Variants in TBC1D5 observed in about 807,000 individuals in gnomAD.
TBC1D5 encodes the protein TBC1 domain family member 5.
In TBC1D5, 75 loss-of-function variants were observed where a neutral mutation model predicts 100.3. That is an observed-to-expected ratio of 0.75 (90% CI 0.62 to 0.91). The LOEUF is 0.91. TBC1D5 is among the 40% of genes least tolerant of loss of function. The probability of loss-of-function intolerance (pLI) is 0.00; values close to 1 mark genes in which losing one functional copy is unlikely to be tolerated. For missense variants in TBC1D5, 910 were observed against 942.4 expected (o/e 0.97, Z 0.45); for synonymous variants, 323 against 325.6 (o/e 0.99, Z 0.09).
intron 1 of TBC1D5, among the ~76,000 whole-genome samples, chr3:17,677,344 G>A (rs2068776170): frequency 6.6e-6 from 1 of 152,190 alleles, no homozygotes; most frequent in Admixed American, 6.5e-5. Context: ...TGAAGGATGT[G>A]AAAAGACATT....
rs572475909 is a variant in TBC1D5 at position 17,461,936 on chromosome 3, T to A, written c.98-33417A>T. 3.1e-4 allele frequency among the ~76,000 whole-genome samples: 47 copies of A among 152,328 alleles called. 1 individual carries two copies. The South Asian group carries it at 9.3e-3, about 30-fold the overall frequency. ...TTTCATTTCTGCTATCACATTTTAA[T>A]GTCTTATCATTTTCTCTCTCCAATT... On this transcript the variant is annotated intron_variant, in intron 3 of 21. Transcript: ENST00000253692.
chr3:17,533,639 T>C (rs191133195), intron 2 of TBC1D5, among the ~76,000 whole-genome samples: 20 of 152,312 alleles, frequency 1.3e-4, no homozygotes, highest in Admixed American at 1.0e-3. Flanking sequence ...CAGTATATAA[T>C]AGATTTTGTG....
chr3:17,673,311 C>CT (rs374496313), intron 1 of TBC1D5, among the ~76,000 whole-genome samples: 10,503 of 125,926 alleles, frequency 0.083, 830 homozygotes, highest in East Asian at 0.31. Flanking sequence ...CTTTTCTTTT[C>CT]TTTTTTTTTT....
intron 2 of TBC1D5, among the ~76,000 whole-genome samples, chr3:17,561,796 C>T (rs1026061678): frequency 2.6e-5 from 4 of 151,966 alleles, no homozygotes; most frequent in African/African-American, 9.7e-5. Flanking sequence ...TGATCCTAAC[C>T]CCAAAACATG....
chr3:17,223,968 A>C (rs2074570503), intron 17 of TBC1D5, among the ~76,000 whole-genome samples: 1 of 152,138 alleles, frequency 6.6e-6, no homozygotes, highest in Non-Finnish European at 1.5e-5. Context: ...CAATATATAT[A>C]ATTAAATTTA....
intron 3 of TBC1D5, among the ~76,000 whole-genome samples, chr3:17,456,735 T>C (rs555743423): frequency 3.0e-4 from 45 of 152,064 alleles, no homozygotes; most frequent in African/African-American, 1.1e-3. Flanking sequence ...AGTTTGGAGG[T>C]TCCTCAAAAA....
chr3:17,177,355 C>T (rs1317164175), intron 19 of TBC1D5, among the ~76,000 whole-genome samples: 1 of 152,108 alleles, frequency 6.6e-6, no homozygotes, highest in Non-Finnish European at 1.5e-5. Flanking sequence ...TGTTGCAAGT[C>T]TTCCAATAAT....
intron 3 of TBC1D5, among the ~76,000 whole-genome samples, chr3:17,507,031 A>AAACAACAAC (rs576718256): frequency 2.6e-5 from 4 of 152,170 alleles, no homozygotes; most frequent in African/African-American, 9.7e-5. Flanking sequence ...ACAAACAAAC[A>AAACAACAAC]AACAACAACA....
intron 15 of TBC1D5, among the ~76,000 whole-genome samples, chr3:17,264,004 A>G (rs1009869466): frequency 6.6e-6 from 1 of 152,122 alleles, no homozygotes; most frequent in Non-Finnish European, 1.5e-5. Context: ...TCTGTCCAAG[A>G]ATGAGTTTGA....
At position 17,284,089 on chromosome 3, in the gene TBC1D5, T is replaced by TACACACACACACACACACACACAC. The variant is rs58307801; in HGVS notation, c.1245+7782_1245+7805dup. ...CAGATTCTACCCTCACTCATTATTT[T>TACACACACACACACACACACACAC]ACACACACACACACACACACACACA... On this transcript the variant is annotated intron_variant, in intron 15 of 21. Transcript: ENST00000253692. 4.0e-3 allele frequency among the ~76,000 whole-genome samples: 529 copies of TACACACACACACACACACACACAC among 132,768 alleles called. 6 individuals carry two copies. The highest frequency in any genetic ancestry group is 0.011 in the Middle Eastern group (3 of 266). 87.1% of individuals were successfully genotyped at this position (132,768 alleles called of 152,430 possible).
chr3:17,199,712 A>T (rs1263864881), intron 18 of TBC1D5, among the ~76,000 whole-genome samples: 1 of 152,202 alleles, frequency 6.6e-6, no homozygotes, highest in Non-Finnish European at 1.5e-5. Context: ...AAACTGTCCC[A>T]CCTTTGGGAT....
chr3:17,706,272 C>T, intron 1 of TBC1D5: 1 of 1,547,250 alleles, frequency 6.5e-7, no homozygotes, highest in Non-Finnish European at 8.7e-7. Context: ...ATACTCAGCT[C>T]TAAAGAGTTG....
At position 17,706,043 on chromosome 3, in the gene TBC1D5, T is replaced by C. The variant is rs549639166; in HGVS notation, c.-101+33300A>G. Reference sequence around the variant, plus strand: ...CAGCCTGGACTTACACCATGTTCTTTAAGGTGGGAGCCTACTGATTTCCCC... The same window carrying C: ...CAGCCTGGACTTACACCATGTTCTTCAAGGTGGGAGCCTACTGATTTCCCC... On this transcript the variant is annotated intron_variant, in intron 1 of 21. Transcript: ENST00000253692. 484 of 1,572,004 alleles carry C rather than the reference T, an allele frequency of 3.1e-4. 1 individual carries two copies. In the Middle Eastern group the frequency reaches 4.8e-3, roughly 15 times the overall value.
chr3:17,724,778 T>G (rs1404020319), intron 1 of TBC1D5, among the ~76,000 whole-genome samples: 1 of 152,200 alleles, frequency 6.6e-6, no homozygotes, highest in Non-Finnish European at 1.5e-5. Context: ...TTATGTAATA[T>G]GTGTATGTGT....
chr3:17,480,608 C>T (rs1353495824), intron 3 of TBC1D5, among the ~76,000 whole-genome samples: 1 of 152,080 alleles, frequency 6.6e-6, no homozygotes, highest in Non-Finnish European at 1.5e-5. Context: ...CTCACCTCTG[C>T]TAAGCGCTGG....
At chr3:17,240,888 C>T (rs990250685) in intron 16 of TBC1D5, among the ~76,000 whole-genome samples, 24 of 152,188 alleles carry the variant, frequency 1.6e-4, no homozygotes, top group African/African-American at 4.1e-4. Context: ...CAAGAGAATA[C>T]GGTTAATGCA....
chr3:17,348,132 A>G (rs1191228398), intron 13 of TBC1D5, among the ~76,000 whole-genome samples: 1 of 152,238 alleles, frequency 6.6e-6, no homozygotes, highest in Non-Finnish European at 1.5e-5. Context: ...ATAGTTCCAT[A>G]ATTAATTTAT....
intron 13 of TBC1D5, among the ~76,000 whole-genome samples, chr3:17,322,391 G>A (rs751316594): frequency 5.3e-5 from 8 of 152,140 alleles, no homozygotes; most frequent in East Asian, 1.9e-4. Flanking sequence ...TTCAGACCAT[G>A]ATGGAATAAC....
At chr3:17,185,236 A>G (rs751345477) in intron 18 of TBC1D5, 28 bp from the exon 20 acceptor site, 12 of 1,587,250 alleles carry the variant, frequency 7.6e-6, no homozygotes, top group African/African-American at 2.7e-5. Context: ...ACATATGGAA[A>G]TTTTTTAGAG....
Sources: gnomAD v4.1 joint callset for allele counts (sites outside exome capture counted in the v4.1 genomes callset) on GRCh38, gnomAD v4.1.1 for gene constraint, MANE v1.5 for transcripts, NCBI Gene and HGNC (gene_info 2026-07-23, HGNC 2026-07-21) for gene names.